The following GPC5 variants were observed in gnomAD, a reference collection of about 807,000 sequenced individuals.
GPC5 encodes the protein glypican-5.
Under a neutral mutation model 53.9 loss-of-function variants are expected in GPC5, and 47 were observed. The ratio of observed to expected loss-of-function variants is 0.87; its 90% CI spans 0.69 to 1.11. The LOEUF (loss-of-function observed/expected upper bound fraction) is 1.11. Among genes scored for constraint, GPC5 ranks in the 50% most tolerant of loss-of-function variants. The pLI is 0.00. For synonymous variants in GPC5, 286 were observed against 263.3 expected, an observed-to-expected ratio of 1.09 and a Z score of -0.84; for missense variants, 748 against 713.1, an observed-to-expected ratio of 1.05 and a Z score of -0.56.
chr13:91,669,056 A>G (rs1299708289), intron 2 of GPC5, among the ~76,000 whole-genome samples: 1 of 152,216 alleles, frequency 6.6e-6, no homozygotes, highest in African/African-American at 2.4e-5. Context: ...AATCCTGCAT[A>G]GTAATTACAA....
chr13:92,409,896 C>T (rs1389460552), intron 7 of GPC5, among the ~76,000 whole-genome samples: 3 of 152,096 alleles, frequency 2.0e-5, no homozygotes, highest in Admixed American at 6.5e-5. Context: ...TGTCAAGATA[C>T]GACTTTAAGG....
At chr13:92,162,494 G>A (rs2041997202) in intron 7 of GPC5, among the ~76,000 whole-genome samples, 1 of 152,126 alleles carries the variant, frequency 6.6e-6, no homozygotes. Flanking sequence ...TAACATGAAG[G>A]CTTCTCAAAG....
At chr13:91,654,051 A>C (rs1286451401) in intron 2 of GPC5, among the ~76,000 whole-genome samples, 1 of 152,136 alleles carries the variant, frequency 6.6e-6, no homozygotes, top group Non-Finnish European at 1.5e-5. Flanking sequence ...CTCTAATGTG[A>C]CTTAAGAAGG....
chr13:92,103,090 G>T (rs548717154), intron 6 of GPC5, among the ~76,000 whole-genome samples: 5 of 151,908 alleles, frequency 3.3e-5, no homozygotes, highest in Non-Finnish European at 7.4e-5. Flanking sequence ...TCGAACTCCT[G>T]GGCTCAAGTG....
chr13:92,640,471 A>T (rs1369821163), intron 7 of GPC5, among the ~76,000 whole-genome samples: 4 of 152,120 alleles, frequency 2.6e-5, no homozygotes, highest in Non-Finnish European at 5.9e-5. Flanking sequence ...CGTGTTAGCC[A>T]GGATGGTCTC....
intron 6 of GPC5, among the ~76,000 whole-genome samples, chr13:92,069,160 A>G (rs2041190093): frequency 6.6e-6 from 1 of 152,096 alleles, no homozygotes; most frequent in Admixed American, 6.6e-5. Context: ...CCTTTCAAAA[A>G]TCAATTGCTT....
At chr13:92,837,580 G>A (rs1463195927) in intron 7 of GPC5, among the ~76,000 whole-genome samples, 3 of 152,104 alleles carry the variant, frequency 2.0e-5, no homozygotes, top group Non-Finnish European at 4.4e-5. Context: ...ATTTTCTCTC[G>A]AGATATCTGT....
At chr13:92,632,660 T>G (rs2139134952) in intron 7 of GPC5, among the ~76,000 whole-genome samples, 1 of 152,110 alleles carries the variant, frequency 6.6e-6, no homozygotes, top group South Asian at 2.1e-4. Context: ...ATTCTATTAG[T>G]TTTGTTTTTC....
intron 2 of GPC5, among the ~76,000 whole-genome samples, chr13:91,478,477 AGTTT>A (rs1476169686): frequency 1.3e-5 from 2 of 151,656 alleles, no homozygotes; most frequent in African/African-American, 4.8e-5. Flanking sequence ...TTTATTTTGT[AGTTT>A]GTTGTAGTTT....
intron 5 of GPC5, among the ~76,000 whole-genome samples, chr13:91,770,374 C>T (rs2037600493): frequency 1.3e-5 from 2 of 152,132 alleles, no homozygotes; most frequent in Admixed American, 1.3e-4. Flanking sequence ...CTGATTAACT[C>T]CATTCCCAGC....
Position 92,214,140 on chromosome 13 carries a change from A to G in GPC5, c.1561+69151A>G, listed in dbSNP as rs189438447. Among the ~76,000 whole-genome samples, 15 of 152,300 alleles carry G rather than the reference A, an allele frequency of 9.8e-5. No homozygotes were observed. The East Asian group carries it at 2.7e-3, about 27-fold the overall frequency. ...TATTGAGTCTTCCCAGCTGTTTTCT[A>G]TCATAGCAATACCCTCTGTCCTTCA... On this transcript the variant is annotated intron_variant, in intron 7 of 7. Transcript: ENST00000377067.
chr13:91,660,579 A>G (rs764169653), intron 2 of GPC5, among the ~76,000 whole-genome samples: 19 of 152,196 alleles, frequency 1.2e-4, no homozygotes, highest in Non-Finnish European at 1.9e-4. Flanking sequence ...GCAATAATAA[A>G]TATTTGTTGT....
At chr13:92,047,823 A>AG (rs1304410272) in intron 6 of GPC5, among the ~76,000 whole-genome samples, 3 of 150,498 alleles carry the variant, frequency 2.0e-5, no homozygotes, top group Non-Finnish European at 3.0e-5. Flanking sequence ...AAAAAAAAAA[A>AG]AAAAGAAAAT....
chr13:91,677,283 A>C (rs1183439149), intron 2 of GPC5, among the ~76,000 whole-genome samples: 1 of 152,210 alleles, frequency 6.6e-6, no homozygotes, highest in Non-Finnish European at 1.5e-5. Context: ...GATACTTGGT[A>C]CTTTTTAATG....
intron 7 of GPC5, among the ~76,000 whole-genome samples, chr13:92,554,692 C>T (rs1195281371): frequency 2.7e-5 from 4 of 150,030 alleles, no homozygotes; most frequent in Non-Finnish European, 5.9e-5. Flanking sequence ...AACTATACAA[C>T]TAAAGATAAA....
rs1219626082 is a variant in GPC5 at position 91,811,416 on chromosome 13, A to AT, written c.1280+55003dup. ...ATGTTTTAGGTTTATGTTCATTTGA[A>AT]TTTTTTTCTCAATTATGTTGTATAA... On this transcript the variant is annotated intron_variant, in intron 5 of 7. Transcript: ENST00000377067. Among the ~76,000 whole-genome samples the AT allele has an allele frequency of 3.0e-4, 45 of 151,968 alleles. 1 individual carries two copies. The highest frequency in any genetic ancestry group is 2.8e-3 in the Admixed American group (43 of 15,252).
chr13:92,414,815 C>A (rs2209834), intron 7 of GPC5, among the ~76,000 whole-genome samples: 1 of 151,964 alleles, frequency 6.6e-6, no homozygotes, highest in African/African-American at 2.4e-5. Flanking sequence ...TCTTCTAGTT[C>A]GGTCCACCTT....
At chr13:91,433,071 A>G (rs7324710) in intron 1 of GPC5, among the ~76,000 whole-genome samples, 22,112 of 152,118 alleles carry the variant, frequency 0.15, 2,549 homozygotes, top group African/African-American at 0.32. Flanking sequence ...ATAGTCTTGG[A>G]AGAGAAGTAA....
intron 2 of GPC5, among the ~76,000 whole-genome samples, chr13:91,455,296 G>A (rs1881461961): frequency 6.6e-6 from 1 of 152,012 alleles, no homozygotes; most frequent in African/African-American, 2.4e-5. Context: ...CTTCTAAGTA[G>A]CAAAACCAAT....
Sources: gnomAD v4.1 joint callset for allele counts (sites outside exome capture counted in the v4.1 genomes callset) on GRCh38, gnomAD v4.1.1 for gene constraint, MANE v1.5 for transcripts, NCBI Gene and HGNC (gene_info 2026-07-23, HGNC 2026-07-21) for gene names.